Variants in ECE1 observed in about 807,000 individuals in gnomAD.
The protein encoded by ECE1 is endothelin-converting enzyme 1.
A neutral mutation model predicts 98.6 loss-of-function variants in ECE1; 35 were observed. The observed-to-expected ratio is 0.35, with a 90% CI of 0.27 to 0.47. The LOEUF (loss-of-function observed/expected upper bound fraction) is 0.47. Among genes scored for constraint, ECE1 ranks in the 20% least tolerant of loss-of-function variants. The pLI, the probability that ECE1 is intolerant of heterozygous loss-of-function variation, is 1.00. For synonymous variants in ECE1, 394 were observed against 407.1 expected, an observed-to-expected ratio of 0.97 and a Z score of 0.39; for missense variants, 814 against 1,025.3, an observed-to-expected ratio of 0.79 and a Z score of 2.81.
intron 1 of ECE1, among the ~76,000 whole-genome samples, chr1:21,333,549 G>A (rs566655488): frequency 2.6e-5 from 4 of 152,258 alleles, no homozygotes; most frequent in South Asian, 2.1e-4. Context: ...ACAGAGCCAC[G>A]GGCTGGGCGC....
chr1:21,311,348 C>T (rs1638718041), intron 1 of ECE1, among the ~76,000 whole-genome samples: 2 of 152,076 alleles, frequency 1.3e-5, no homozygotes, highest in African/African-American at 2.4e-5. Context: ...CCATGCACCA[C>T]CAACAGCGCA....
In ECE1 at chr1:21,235,471, T is replaced by G; in HGVS notation, c.1566+379A>C. ...GGAGGTGGTGTGGGGGTTTTCCCACTTCATACCCCACCCCTGATGTCTGAG... is the reference window on the plus strand; with the variant it reads ...GGAGGTGGTGTGGGGGTTTTCCCACGTCATACCCCACCCCTGATGTCTGAG... On this transcript the variant is annotated intron_variant, in intron 13 of 18. Transcript: ENST00000374893. The surrounding 1 kb of genome is among the most constrained non-coding windows in gnomAD (Gnocchi z 4.2). 6.6e-6 allele frequency among the ~76,000 whole-genome samples: 1 copy of G among 152,030 alleles called. No individual in the cohort carries two copies.
At chr1:21,297,095 G>C (rs540143015) in intron 1 of ECE1, among the ~76,000 whole-genome samples, 1 of 152,340 alleles carries the variant, frequency 6.6e-6, no homozygotes, top group South Asian at 2.1e-4. Context: ...GCGTGGCCCC[G>C]AGTCCCAGGG....
At chr1:21,344,179 G>A (rs534170457) in intron 1 of ECE1, among the ~76,000 whole-genome samples, 2 of 152,182 alleles carry the variant, frequency 1.3e-5, no homozygotes, top group Admixed American at 6.5e-5. Context: ...GAGATGGGGG[G>A]GCGGGTTGTA....
chr1:21,299,731 T>C (rs1638443476), intron 1 of ECE1: 1 of 152,212 alleles, frequency 6.6e-6, no homozygotes, highest in African/African-American at 2.4e-5. Flanking sequence ...GACAACAGTG[T>C]CTCCCTCATA....
In ECE1 at chr1:21,260,803, T is replaced by C. The variant is rs1450741205; in HGVS notation, c.494-411A>G. ...TTCAGATACCAGATGATCTTTCTTG[T>C]GATAAAGACTGAAGTTGGATGGAAA... is the stretch of plus-strand genomic sequence containing the variant. On this transcript the variant is annotated intron_variant, in intron 4 of 18. Coordinates refer to ENST00000374893, the MANE Select transcript of ECE1 (RefSeq NM_001397.3). This position sits in a 1 kb window ranked among gnomAD's most constrained non-coding sequence, Gnocchi z 4.3. Among the ~76,000 whole-genome samples the C allele has an allele frequency of 6.6e-6, 1 of 152,174 alleles. No homozygotes were observed. Among genetic ancestry groups the C allele is most frequent in the Non-Finnish European group, 1.5e-5 (1 of 68,036 alleles).
In ECE1 at chr1:21,283,617, A is replaced by G. The variant is rs572151742; in HGVS notation, c.139-4285T>C. Among the ~76,000 whole-genome samples, 10 of 152,280 alleles carry G rather than the reference A, an allele frequency of 6.6e-5. No individual in the cohort carries two copies. In the South Asian group the frequency reaches 2.1e-3, roughly 32 times the overall value. On this transcript the variant is annotated intron_variant, in intron 2 of 18. Transcript: ENST00000374893. ...AGTAGGTATTAGCGTTAGCTCCAGA[A>G]GAAACCCAGGAAGTCGGGGCATGAA...
At position 21,227,921 on chromosome 1, in the gene ECE1, G is replaced by A; in HGVS notation, c.1781+10C>T. On this transcript the variant is annotated intron_variant, in intron 15 of 18. Coordinates refer to ENST00000374893, the MANE Select transcript of ECE1 (RefSeq NM_001397.3). ...AAAGAATTGGGGTAGGGGCCCCAGA[G>A]GCAGCCTACTTGGGTGAGGAGCGTG... The A allele has an allele frequency of 6.5e-7, 1 of 1,550,308 alleles. No homozygotes were observed. The highest frequency in any genetic ancestry group is 1.2e-5 in the South Asian group (1 of 84,054).
In ECE1 at chr1:21,254,520, G is replaced by A. The variant is rs921285922; in HGVS notation, c.1020+1427C>T. Among the ~76,000 whole-genome samples, 26 of 152,176 alleles carry A rather than the reference G, an allele frequency of 1.7e-4. 1 individual carries two copies. The highest frequency in any genetic ancestry group is 6.0e-4 in the African/African-American group (25 of 41,514). On this transcript the variant is annotated intron_variant, in intron 8 of 18. Transcript: ENST00000374893. ...AGAAGCAGTGGTGATAGGATGCCTG[G>A]GGGGAACCTGGTGGCCATGCTGGGC...
chr1:21,343,002 C>T (rs1639431781), intron 1 of ECE1, among the ~76,000 whole-genome samples: 1 of 152,182 alleles, frequency 6.6e-6, no homozygotes, highest in South Asian at 2.1e-4. Context: ...GCCAGACCAG[C>T]CCCATTCTGG....
chr1:21,294,617 CAGAAACG>C (rs1354440121), upstream of ECE1, among the ~76,000 whole-genome samples: 1 of 152,186 alleles, frequency 6.6e-6, no homozygotes, highest in Non-Finnish European at 1.5e-5. The surrounding 1 kb of genome is among the most constrained non-coding windows in gnomAD (Gnocchi z 4.2). Flanking sequence ...CTGTGGTGAG[CAGAAACG>C]AGAAATATAA....
chr1:21,337,189 C>T (rs1639319635), intron 1 of ECE1, among the ~76,000 whole-genome samples: 1 of 152,248 alleles, frequency 6.6e-6, no homozygotes, highest in Non-Finnish European at 1.5e-5. Flanking sequence ...CTGGAATCAA[C>T]CCAAATGTCA....
intron 1 of ECE1, among the ~76,000 whole-genome samples, chr1:21,308,887 G>C (rs925860763): frequency 6.6e-6 from 1 of 152,108 alleles, no homozygotes; most frequent in Non-Finnish European, 1.5e-5. Context: ...CCAGTACCTG[G>C]GCTATGAGCC....
At chr1:21,276,216 A>C (rs2098246969) in intron 3 of ECE1, among the ~76,000 whole-genome samples, 1 of 151,930 alleles carries the variant, frequency 6.6e-6, no homozygotes, top group Non-Finnish European at 1.5e-5. Flanking sequence ...AGTAGACACG[A>C]GGTTTCACCA....
At chr1:21,339,718 G>C (rs1290118749) in intron 1 of ECE1, among the ~76,000 whole-genome samples, 2 of 152,198 alleles carry the variant, frequency 1.3e-5, no homozygotes, top group African/African-American at 4.8e-5. Flanking sequence ...CCTCCCTGAT[G>C]TTAGATCCCC....
upstream of ECE1, among the ~76,000 whole-genome samples, chr1:21,292,698 A>AG (rs1437507457): frequency 6.6e-6 from 1 of 152,158 alleles, no homozygotes; most frequent in East Asian, 1.9e-4. Context: ...TTAAAATCAA[A>AG]GGGGGGACAA....
At chr1:21,275,987 T>C (rs1264584855) in intron 3 of ECE1, among the ~76,000 whole-genome samples, 1 of 151,864 alleles carries the variant, frequency 6.6e-6, no homozygotes, top group Non-Finnish European at 1.5e-5. Context: ...TTCCATTGTC[T>C]AGTACTGTGT....
intron 2 of ECE1, among the ~76,000 whole-genome samples, chr1:21,280,353 G>A (rs562530950): frequency 5.3e-5 from 8 of 152,310 alleles, no homozygotes; most frequent in African/African-American, 1.9e-4. Context: ...GCCCAGCAGG[G>A]AGGCAGATAA....
chr1:21,254,262 A>G (rs2744336), intron 8 of ECE1, among the ~76,000 whole-genome samples: 4,584 of 152,002 alleles, frequency 0.03, 240 homozygotes, highest in African/African-American at 0.1. Context: ...TATATTTCCT[A>G]AAGATCTTAA....
Sources: gnomAD v4.1 joint callset for allele counts (sites outside exome capture counted in the v4.1 genomes callset) on GRCh38, gnomAD v4.1.1 for gene constraint, Gnocchi (gnomAD v3.1) non-coding constraint, MANE v1.5 for transcripts, NCBI Gene and HGNC (gene_info 2026-07-23, HGNC 2026-07-21) for gene names.